Variants in ADAMTSL3 observed in about 807,000 individuals in gnomAD.
ADAMTSL3 encodes ADAMTS like 3.
Under a neutral mutation model 201.7 loss-of-function variants are expected in ADAMTSL3, and 128 were observed. The observed-to-expected ratio is 0.63, with a 90% CI of 0.55 to 0.73. ADAMTSL3 has a LOEUF of 0.73. Among genes scored for constraint, ADAMTSL3 ranks in the 30% least tolerant of loss-of-function variants. The probability of loss-of-function intolerance (pLI) is 0.00; values close to 1 mark genes in which losing one functional copy is unlikely to be tolerated. For synonymous variants in ADAMTSL3, 738 were observed against 748.4 expected, an observed-to-expected ratio of 0.99 and a Z score of 0.23; for missense variants, 1,990 against 2,119.6, an observed-to-expected ratio of 0.94 and a Z score of 1.20.
chr15:83,698,987 C>T (rs1335138943), intron 2 of ADAMTSL3, among the ~76,000 whole-genome samples: 1 of 151,938 alleles, frequency 6.6e-6, no homozygotes, highest in Non-Finnish European at 1.5e-5. Context: ...CTGCTTGCTC[C>T]TCCTCTTCTA....
At chr15:83,971,413 C>T (rs542847287) in intron 20 of ADAMTSL3, among the ~76,000 whole-genome samples, 43 of 151,704 alleles carry the variant, frequency 2.8e-4, no homozygotes, top group African/African-American at 8.9e-4. Flanking sequence ...AAAAATTAGC[C>T]GGGCTTGGTG....
chr15:83,766,884 C>T (rs945488950), intron 3 of ADAMTSL3, among the ~76,000 whole-genome samples: 1 of 152,160 alleles, frequency 6.6e-6, no homozygotes, highest in Non-Finnish European at 1.5e-5. Flanking sequence ...CACCTGAGGT[C>T]AGGAGTTCAA....
At chr15:83,725,362 GC>G (rs755363047) in intron 3 of ADAMTSL3, among the ~76,000 whole-genome samples, 15 of 152,052 alleles carry the variant, frequency 9.9e-5, no homozygotes, top group Non-Finnish European at 1.8e-4. Flanking sequence ...TCTCATCTCA[GC>G]CTCTTGAGTA....
chr15:83,878,992 C>T (rs1470172790), intron 9 of ADAMTSL3, among the ~76,000 whole-genome samples: 1 of 152,014 alleles, frequency 6.6e-6, no homozygotes, highest in Non-Finnish European at 1.5e-5. Flanking sequence ...TTTCTTATGT[C>T]CGTTTTGTTT....
At chr15:83,789,531 G>A (rs75917666) in intron 4 of ADAMTSL3, among the ~76,000 whole-genome samples, 13,986 of 152,118 alleles carry the variant, frequency 0.092, 795 homozygotes, top group Admixed American at 0.19. Flanking sequence ...GGAGCTATGA[G>A]CTTAACTGGA....
intron 10 of ADAMTSL3, 143 bp downstream of exon 10, chr15:83,885,355 A>T: frequency 3.0e-6 from 2 of 674,610 alleles, no homozygotes; most frequent in Non-Finnish European, 5.1e-6. Context: ...GCCTGAATGC[A>T]ATCGTGTTAA....
At chr15:83,753,851 A>G (rs2062676639) in intron 3 of ADAMTSL3, among the ~76,000 whole-genome samples, 1 of 152,214 alleles carries the variant, frequency 6.6e-6, no homozygotes, top group South Asian at 2.1e-4. Context: ...ACATCCATGT[A>G]GAGTACTATT....
At chr15:83,905,871 A>G (rs562811787) in intron 15 of ADAMTSL3, among the ~76,000 whole-genome samples, 62 of 151,036 alleles carry the variant, frequency 4.1e-4, no homozygotes, top group African/African-American at 1.4e-3. Flanking sequence ...TTTTCCCCAT[A>G]CGTTCATCAA....
At chr15:83,988,893 T>TAA in intron 22 of ADAMTSL3, 75 bp downstream of exon 22, 1 of 962,682 alleles carries the variant, frequency 1.0e-6, no homozygotes, top group Non-Finnish European at 1.3e-6. Context: ...ATTTATTTTT[T>TAA]TTTTTTGAGA....
intron 25 of ADAMTSL3, among the ~76,000 whole-genome samples, chr15:84,017,196 C>A (rs758855441): frequency 3.9e-5 from 6 of 152,206 alleles, no homozygotes; most frequent in Non-Finnish European, 8.8e-5. Flanking sequence ...CAGCTCACTG[C>A]AAGCTCCGCC....
At chr15:83,959,967 C>T (rs1220673507) in intron 19 of ADAMTSL3, among the ~76,000 whole-genome samples, 1 of 152,074 alleles carries the variant, frequency 6.6e-6, no homozygotes, top group African/African-American at 2.4e-5. Flanking sequence ...TAGCCATTGG[C>T]AGTTATTTAA....
chr15:84,033,636 G>A (rs2068447079), intron 28 of ADAMTSL3, among the ~76,000 whole-genome samples: 1 of 152,096 alleles, frequency 6.6e-6, no homozygotes, highest in Admixed American at 6.5e-5. Context: ...TCCAGCCTGG[G>A]CAACAGAGCA....
chr15:83,827,190 A>G (rs1238210339), intron 6 of ADAMTSL3, among the ~76,000 whole-genome samples: 1 of 152,122 alleles, frequency 6.6e-6, no homozygotes, highest in Non-Finnish European at 1.5e-5. Context: ...CTGACTTTTT[A>G]ATGATCGCCA....
chr15:84,034,167 G>A (rs2068457959), intron 28 of ADAMTSL3, among the ~76,000 whole-genome samples: 1 of 152,028 alleles, frequency 6.6e-6, no homozygotes, highest in Non-Finnish European at 1.5e-5. Context: ...AGCTGTCGAG[G>A]GTTTCTTCTG....
chr15:83,824,171 G>A (rs1567170285), intron 6 of ADAMTSL3, among the ~76,000 whole-genome samples: 2 of 151,244 alleles, frequency 1.3e-5, no homozygotes, highest in Non-Finnish European at 2.9e-5. Context: ...AGCCTCCCAC[G>A]TAGCTGGGAC....
chr15:83,908,131 T>C (rs1220684384), intron 15 of ADAMTSL3, among the ~76,000 whole-genome samples: 2 of 152,224 alleles, frequency 1.3e-5, no homozygotes, highest in Non-Finnish European at 2.9e-5. Flanking sequence ...TAAAAGAGCA[T>C]TGTCAAATTG....
At chr15:83,754,884 A>G (rs373784818) in intron 3 of ADAMTSL3, among the ~76,000 whole-genome samples, 5 of 152,338 alleles carry the variant, frequency 3.3e-5, no homozygotes, top group African/African-American at 9.6e-5. Flanking sequence ...TGGCGTTACT[A>G]TGTTTTAAAA....
At chr15:83,894,753 A>G (rs999562019) in intron 13 of ADAMTSL3, among the ~76,000 whole-genome samples, 1 of 152,122 alleles carries the variant, frequency 6.6e-6, no homozygotes, top group African/African-American at 2.4e-5. Context: ...TCCTGTGGCC[A>G]TAAGGCCCTA....
chr15:83,704,003 C>CA (rs373378778), intron 2 of ADAMTSL3, among the ~76,000 whole-genome samples: 47,189 of 127,548 alleles, frequency 0.37, 8,861 homozygotes, highest in South Asian at 0.61. Flanking sequence ...ACTCCTTTGC[C>CA]AAAAAAAAAA....
Sources: allele counts gnomAD v4.1 joint callset (sites outside exome capture counted in the v4.1 genomes callset), GRCh38; gene constraint gnomAD v4.1.1; transcripts MANE v1.5; gene names NCBI Gene and HGNC (gene_info 2026-07-23, HGNC 2026-07-21).